Variants in PTPRK observed in about 807,000 individuals in gnomAD.
The protein encoded by PTPRK is protein tyrosine phosphatase receptor type K.
A neutral mutation model predicts 178.0 loss-of-function variants in PTPRK; 75 were observed. That is an observed-to-expected ratio of 0.42 (90% CI 0.35 to 0.51). The LOEUF (loss-of-function observed/expected upper bound fraction) is 0.51. PTPRK is among the 20% of genes least tolerant of loss of function. The pLI is 0.02. For synonymous variants in PTPRK, 637 were observed against 620.6 expected, an observed-to-expected ratio of 1.03 and a Z score of -0.39; for missense variants, 1,441 against 1,797.8, an observed-to-expected ratio of 0.80 and a Z score of 3.59.
chr6:128,151,086 T>C (rs1293792854), intron 7 of PTPRK, among the ~76,000 whole-genome samples: 1 of 152,084 alleles, frequency 6.6e-6, no homozygotes, highest in Non-Finnish European at 1.5e-5. Flanking sequence ...TGTGAAGCCT[T>C]ACTGAATTCA....
At chr6:128,373,709 T>A (rs993860643) in intron 2 of PTPRK, among the ~76,000 whole-genome samples, 15 of 152,196 alleles carry the variant, frequency 9.9e-5, no homozygotes, top group African/African-American at 3.4e-4. Flanking sequence ...AATATGCACC[T>A]ATGCACAGTG....
rs780654547 is a variant in PTPRK, at chr6:128,013,832, A to G, written c.2195-4564T>C. 2.0e-5 allele frequency among the ~76,000 whole-genome samples: 3 copies of G among 151,472 alleles called. No homozygotes were observed. In the East Asian group the frequency reaches 5.8e-4, roughly 29 times the overall value. On this transcript the variant is annotated intron_variant, in intron 13 of 29. Coordinates refer to ENST00000368226, the MANE Select transcript of PTPRK (RefSeq NM_002844.4). ...CAGGCAGATCACACAGCAGCCACCT[A>G]TGTTAAATCTCTGAATATACTGTCT...
intron 1 of PTPRK, among the ~76,000 whole-genome samples, chr6:128,407,613 T>C (rs1331454920): frequency 5.5e-5 from 6 of 109,536 alleles, no homozygotes; most frequent in Admixed American, 4.4e-4. Context: ...TCCAGCCTGA[T>C]GGACAGAGCA....
chr6:128,482,802 T>C (rs747933785), intron 1 of PTPRK, among the ~76,000 whole-genome samples: 25 of 152,282 alleles, frequency 1.6e-4, no homozygotes, highest in Non-Finnish European at 1.9e-4. Context: ...TGGCTTATTC[T>C]GGGAATTCTT....
chr6:128,028,362 A>C (rs529173334), intron 13 of PTPRK, among the ~76,000 whole-genome samples: 23 of 152,352 alleles, frequency 1.5e-4, no homozygotes, highest in African/African-American at 5.5e-4. Flanking sequence ...TTTAAAGTGG[A>C]AGAGAAAGTG....
intron 7 of PTPRK, 29 bp from the exon 8 acceptor site, chr6:128,090,021 C>A: frequency 6.6e-7 from 1 of 1,511,936 alleles, no homozygotes; most frequent in Non-Finnish European, 9.2e-7. Flanking sequence ...TTGTAGACAG[C>A]TGTCTATTAT....
intron 2 of PTPRK, among the ~76,000 whole-genome samples, chr6:128,332,306 T>C (rs1830380578): frequency 6.6e-6 from 1 of 152,250 alleles, no homozygotes; most frequent in African/African-American, 2.4e-5. Flanking sequence ...GCTAATTTTA[T>C]AATAGGTTTT....
chr6:128,242,801 G>A (rs528353238), intron 3 of PTPRK, among the ~76,000 whole-genome samples, 199 bp from the exon 4 acceptor site: 20 of 152,196 alleles, frequency 1.3e-4, no homozygotes, highest in South Asian at 6.2e-4. Context: ...GAAAAATTAC[G>A]TTACAGAGGT....
At chr6:128,315,650 G>T (rs11759201) in intron 3 of PTPRK, among the ~76,000 whole-genome samples, 10,580 of 152,062 alleles carry the variant, frequency 0.07, 506 homozygotes, top group Non-Finnish European at 0.11. Context: ...AGAATAATTA[G>T]ATTCTATGTA....
At position 128,516,264 on chromosome 6, in the gene PTPRK, C is replaced by A. The variant is rs1383061683; in HGVS notation, c.100+3995G>T. 2.6e-5 allele frequency among the ~76,000 whole-genome samples: 4 copies of A among 152,210 alleles called. No homozygotes were observed. In the South Asian group the frequency reaches 8.3e-4, roughly 32 times the overall value. Reference sequence around the variant, plus strand: ...ACTTTTATGAGCACAAAGAGAAGAGCTGTCAGCAGCACACATGCCAATGTC... The same window carrying A: ...ACTTTTATGAGCACAAAGAGAAGAGATGTCAGCAGCACACATGCCAATGTC... On this transcript the variant is annotated intron_variant, in intron 1 of 29. Transcript: ENST00000368226.
intron 3 of PTPRK, among the ~76,000 whole-genome samples, chr6:128,312,714 T>C (rs1006424326): frequency 2.6e-5 from 4 of 152,180 alleles, no homozygotes; most frequent in Non-Finnish European, 5.9e-5. Flanking sequence ...ATTGTCTTAG[T>C]GGACTTTATA....
intron 6 of PTPRK, 30 bp from the exon 7 acceptor site, chr6:128,184,755 G>GT: frequency 6.3e-7 from 1 of 1,590,720 alleles, no homozygotes; most frequent in South Asian, 1.1e-5. Context: ...ACTTCAATTA[G>GT]TAAGATTTAA....
intron 1 of PTPRK, among the ~76,000 whole-genome samples, chr6:128,431,574 C>A (rs1399326801): frequency 6.6e-6 from 1 of 152,062 alleles, no homozygotes; most frequent in African/African-American, 2.4e-5. Context: ...AAATGAAATG[C>A]CATTTTAGTT....
chr6:128,138,521 T>C (rs1416836333), intron 7 of PTPRK, among the ~76,000 whole-genome samples: 4 of 152,130 alleles, frequency 2.6e-5, no homozygotes, highest in Non-Finnish European at 5.9e-5. Context: ...TATGGACTTA[T>C]CTAAACCTTC....
intron 12 of PTPRK, among the ~76,000 whole-genome samples, chr6:128,065,526 T>C (rs1781597742): frequency 6.6e-6 from 1 of 152,062 alleles, no homozygotes; most frequent in African/African-American, 2.4e-5. Flanking sequence ...TCAGCGTACA[T>C]CCCTGAATAC....
chr6:128,394,418 A>G (rs1000583861), intron 2 of PTPRK, among the ~76,000 whole-genome samples: 6 of 152,196 alleles, frequency 3.9e-5, no homozygotes, highest in African/African-American at 1.4e-4. Flanking sequence ...AAGGTTGTAC[A>G]GATTTATGCT....
At chr6:128,197,603 T>C (rs895294838) in intron 6 of PTPRK, among the ~76,000 whole-genome samples, 1 of 151,968 alleles carries the variant, frequency 6.6e-6, no homozygotes, top group African/African-American at 2.4e-5. Context: ...AAAACCAATG[T>C]CAATTATGTG....
At chr6:128,295,906 T>C (rs1419842356) in intron 3 of PTPRK, among the ~76,000 whole-genome samples, 2 of 152,076 alleles carry the variant, frequency 1.3e-5, no homozygotes, top group Non-Finnish European at 2.9e-5. Context: ...TAGCTTACTG[T>C]TGAAAAGGCT....
chr6:128,242,691 A>G (rs943318373), intron 3 of PTPRK, 89 bp from the exon 4 acceptor site: 2 of 1,489,160 alleles, frequency 1.3e-6, no homozygotes, highest in Admixed American at 4.8e-5. Flanking sequence ...TGCAAAAGTA[A>G]ATCTAATTTT....
Sources: gnomAD v4.1 joint callset for allele counts (sites outside exome capture counted in the v4.1 genomes callset) on GRCh38, gnomAD v4.1.1 for gene constraint, MANE v1.5 for transcripts, NCBI Gene and HGNC (gene_info 2026-07-23, HGNC 2026-07-21) for gene names.